CASZ1: variants seen among roughly 807,000 people sequenced by gnomAD.
The protein encoded by CASZ1 is castor zinc finger 1.
CASZ1 carries 28 observed loss-of-function variants against 135.2 expected under a neutral mutation model. The observed-to-expected ratio is 0.21, with a 90% CI of 0.15 to 0.28. The LOEUF (loss-of-function observed/expected upper bound fraction) is 0.28, where lower values mean the gene tolerates loss of function less well. Among genes scored for constraint, CASZ1 ranks in the 10% least tolerant of loss-of-function variants. The pLI is 1.00. For missense variants in CASZ1, 2,161 were observed against 2,453.3 expected (o/e 0.88, Z 2.52); for synonymous variants, 1,068 against 1,073.4 (o/e 0.99, Z 0.10).
rs1325420355 is a variant in CASZ1, at chr1:10,725,647, A to G, written c.-76-20103T>C. Among the ~76,000 whole-genome samples the G allele has an allele frequency of 6.6e-6, 1 of 152,000 alleles. No individual in the cohort carries two copies. The highest frequency in any genetic ancestry group is 1.5e-5 in the Non-Finnish European group (1 of 68,032). ...GAGTTCATTCAGCTACCATGTTACA[A>G]TCCAGTCACACTCCAGGCCTGGGGG... On this transcript the variant is annotated intron_variant, in intron 2 of 20. Transcript: ENST00000377022. The surrounding 1 kb of genome is among the most constrained non-coding windows in gnomAD (Gnocchi z 4.4).
chr1:10,753,400 C>T (rs1228910690), intron 2 of CASZ1, among the ~76,000 whole-genome samples: 1 of 152,246 alleles, frequency 6.6e-6, no homozygotes, highest in East Asian at 1.9e-4. Flanking sequence ...TCCAATACCA[C>T]AGCTCACCTG....
At chr1:10,743,433 A>G (rs1265630643) in intron 2 of CASZ1, among the ~76,000 whole-genome samples, 1 of 151,346 alleles carries the variant, frequency 6.6e-6, no homozygotes, top group East Asian at 2.0e-4. Flanking sequence ...GCCCTGGGAG[A>G]GCCCTGGGCC....
rs201085072 is a variant in CASZ1, at chr1:10,711,585, C to CAAAAAAAAAAAAAAAAAAAAAAAA, written c.-76-6042_-76-6041insTTTTTTTTTTTTTTTTTTTTTTTT. On this transcript the variant is annotated intron_variant, in intron 2 of 20. Transcript: ENST00000377022. This position sits in a 1 kb window ranked among gnomAD's most constrained non-coding sequence, Gnocchi z 4.4. ...CCAGAAAAAATGGAAAACAGGTACTCAAAAAAAAAAAAAAAAGAAAAACAA... is the reference window on the plus strand; with the variant it reads ...CCAGAAAAAATGGAAAACAGGTACTCAAAAAAAAAAAAAAAAAAAAAAAAAAAAAAAAAAAAAAAAGAAAAACAA... Among the ~76,000 whole-genome samples, 1 of 97,582 alleles carries CAAAAAAAAAAAAAAAAAAAAAAAA rather than the reference C, an allele frequency of 1.0e-5. No individual in the cohort carries two copies. The highest frequency in any genetic ancestry group is 3.1e-4 in the South Asian group (1 of 3,202). The allele number at this position is 97,582 out of a possible 152,430, so 64.0% of individuals were successfully genotyped here.
In CASZ1 at chr1:10,727,042, A is replaced by T. The variant is rs1639610366; in HGVS notation, c.-76-21498T>A. ...GTTTTCACTTTACCCACTCTGGAAG[A>T]GAACACAGCCTGTGAGTGAGGAGGA... On this transcript the variant is annotated intron_variant, in intron 2 of 20. Coordinates refer to ENST00000377022, the MANE Select transcript of CASZ1 (RefSeq NM_001079843.3). The surrounding 1 kb of genome is among the most constrained non-coding windows in gnomAD (Gnocchi z 5.3). 6.6e-6 allele frequency among the ~76,000 whole-genome samples: 1 copy of T among 152,122 alleles called. No individual in the cohort carries two copies. Among genetic ancestry groups the T allele is most frequent in the African/African-American group, 2.4e-5 (1 of 41,410 alleles).
rs1375563325 is a variant in CASZ1 at position 10,694,674 on chromosome 1, G to T, written c.-23-762C>A. 1.4e-5 allele frequency among the ~76,000 whole-genome samples: 2 copies of T among 139,766 alleles called. No homozygotes were observed. The highest frequency in any genetic ancestry group is 2.1e-4 in the East Asian group (1 of 4,822). The allele number at this position is 139,766 out of a possible 152,430, so 91.7% of individuals were successfully genotyped here. ...CCGGTGCCGGAGTGAATGGGCTCGC[G>T]CTCGCTCGCGCCCCCGCCGCGCGCC... On this transcript the variant is annotated intron_variant, in intron 3 of 20. Coordinates refer to ENST00000377022, the MANE Select transcript of CASZ1 (RefSeq NM_001079843.3). The surrounding 1 kb of genome is among the most constrained non-coding windows in gnomAD (Gnocchi z 6.6).
rs775955020 is a variant in CASZ1 at position 10,639,556 on chromosome 1, C to T, written c.4666G>A (p.Asp1556Asn). The change falls in exon 21 of 21, where the codon GAC (aspartate) becomes AAC (asparagine). Residue 1556 changes from aspartate to asparagine, a missense_variant. Coordinates refer to ENST00000377022, the MANE Select transcript of CASZ1 (RefSeq NM_001079843.3). The surrounding 1 kb of genome is among the most constrained non-coding windows in gnomAD (Gnocchi z 4.0). ...AGFCQFSSSA[D>N]CAVPDCKYKL... ...TACTTGCAGTCGGGCACGGCGCAGT[C>T]GGCGCTGGAGCTGAACTGGCAGAAG... 6.2e-7 allele frequency: 1 copy of T among 1,610,712 alleles called. No individual in the cohort carries two copies. Among genetic ancestry groups the T allele is most frequent in the Admixed American group, 1.7e-5 (1 of 59,950 alleles).
At chr1:10,670,914 G>C (rs933339903) in intron 4 of CASZ1, among the ~76,000 whole-genome samples, 1 of 151,968 alleles carries the variant, frequency 6.6e-6, no homozygotes, top group Non-Finnish European at 1.5e-5. Context: ...TCTATCCCCA[G>C]CTCCAAACAG....
chr1:10,783,880 A>AAAC lies in CASZ1; in HGVS notation c.-234+12683_-234+12684insGTT, dbSNP rs1431058066. On this transcript the variant is annotated intron_variant, in intron 1 of 20. Transcript: ENST00000377022. ...AAGCAAGACTCCGTCTCAAAAAAAA[A>AAAC]AAAAAAAAAAAAACCTACAATTATA... Among the ~76,000 whole-genome samples, 2 of 151,350 alleles carry AAAC rather than the reference A, an allele frequency of 1.3e-5. 1 individual carries two copies. The highest frequency in any genetic ancestry group is 3.9e-4 in the East Asian group (2 of 5,106).
chr1:10,764,743 A>G (rs1331758318), intron 1 of CASZ1, among the ~76,000 whole-genome samples: 1 of 152,138 alleles, frequency 6.6e-6, no homozygotes, highest in Admixed American at 6.5e-5. Context: ...GCCTCAAAAC[A>G]GTTCTGGACC....
chr1:10,661,612 C>G (rs920916053), intron 5 of CASZ1, among the ~76,000 whole-genome samples: 2 of 149,252 alleles, frequency 1.3e-5, no homozygotes, highest in East Asian at 2.0e-4. Context: ...CACATTCACA[C>G]AATCACATAC....
At chr1:10,771,913 C>T (rs7556263) in intron 1 of CASZ1, among the ~76,000 whole-genome samples, 1,942 of 152,290 alleles carry the variant, frequency 0.013, 33 homozygotes, top group African/African-American at 0.043. Context: ...GCCCCTTGTC[C>T]CGTCCCAGCC....
In CASZ1 at chr1:10,701,117, C is replaced by T. The variant is rs114810867; in HGVS notation, c.-24+4375G>A. ...TGCTTACAAATATCTACTTGGGCCC[C>T]TGATGCCAGGGCCAGCAGGTTGTCA... On this transcript the variant is annotated intron_variant, in intron 3 of 20. Coordinates refer to ENST00000377022, the MANE Select transcript of CASZ1 (RefSeq NM_001079843.3). This position sits in a 1 kb window ranked among gnomAD's most constrained non-coding sequence, Gnocchi z 6.3. 3.5e-3 allele frequency among the ~76,000 whole-genome samples: 526 copies of T among 152,286 alleles called. 3 individuals carry two copies. Among genetic ancestry groups the T allele is most frequent in the African/African-American group, 0.012 (484 of 41,560 alleles).
chr1:10,766,802 C>A (rs1351476559), intron 1 of CASZ1, among the ~76,000 whole-genome samples: 1 of 152,136 alleles, frequency 6.6e-6, no homozygotes, highest in East Asian at 1.9e-4. Flanking sequence ...ATATCTATAA[C>A]CTGCAATGAA....
chr1:10,677,616 C>A (rs284309), intron 4 of CASZ1, among the ~76,000 whole-genome samples: 1 of 151,978 alleles, frequency 6.6e-6, no homozygotes, highest in South Asian at 2.1e-4. Context: ...GGAAAGGGAC[C>A]GAGGTCCAAG....
At chr1:10,753,612 T>C (rs1570561224) in intron 2 of CASZ1, among the ~76,000 whole-genome samples, 1 of 151,878 alleles carries the variant, frequency 6.6e-6, no homozygotes, top group South Asian at 2.1e-4. Context: ...GGGAGGCGGG[T>C]GGGGGTCTGC....
At position 10,762,682 on chromosome 1, in the gene CASZ1, A is replaced by T. The variant is rs1374909499; in HGVS notation, c.-233-1825T>A. On this transcript the variant is annotated intron_variant, in intron 1 of 20. Coordinates refer to ENST00000377022, the MANE Select transcript of CASZ1 (RefSeq NM_001079843.3). The surrounding 1 kb of genome is among the most constrained non-coding windows in gnomAD (Gnocchi z 4.1). ...GAACCCACCTAAAAGCCAGCATCTTACACAGGAGGCTGACATGCCCCTCTT... is the reference window on the plus strand; with the variant it reads ...GAACCCACCTAAAAGCCAGCATCTTTCACAGGAGGCTGACATGCCCCTCTT... Among the ~76,000 whole-genome samples, 2 of 152,230 alleles carry T rather than the reference A, an allele frequency of 1.3e-5. No homozygotes were observed. Among genetic ancestry groups the T allele is most frequent in the Non-Finnish European group, 2.9e-5 (2 of 68,040 alleles).
intron 1 of CASZ1, among the ~76,000 whole-genome samples, chr1:10,781,533 C>T (rs141869071): frequency 6.6e-6 from 1 of 152,340 alleles, no homozygotes; most frequent in African/African-American, 2.4e-5. Flanking sequence ...CCTGCTCCCT[C>T]GAGGGCTCTG....
At chr1:10,673,697 T>C (rs1643478428) in intron 4 of CASZ1, among the ~76,000 whole-genome samples, 1 of 152,182 alleles carries the variant, frequency 6.6e-6, no homozygotes, top group South Asian at 2.1e-4. Context: ...GCTGCCACCA[T>C]CTGGGGGGCT....
intron 4 of CASZ1, among the ~76,000 whole-genome samples, chr1:10,683,382 G>A (rs775935167): frequency 6.6e-6 from 1 of 152,104 alleles, no homozygotes; most frequent in Non-Finnish European, 1.5e-5. Context: ...CCCCACCTGG[G>A]ACAGCTGCCT....
Sources: allele counts gnomAD v4.1 joint callset (sites outside exome capture counted in the v4.1 genomes callset), GRCh38; gene constraint gnomAD v4.1.1; non-coding constraint Gnocchi (gnomAD v3.1); transcripts MANE v1.5; gene names NCBI Gene and HGNC (gene_info 2026-07-23, HGNC 2026-07-21).